The following ABCC12 variants were observed in gnomAD, a reference collection of about 807,000 sequenced individuals.
ABCC12 encodes the protein ATP-binding cassette sub-family C member 12.
ABCC12 carries 142 observed loss-of-function variants against 151.1 expected under a neutral mutation model. The observed-to-expected ratio is 0.94, with a 90% confidence interval of 0.82 to 1.08. The LOEUF is 1.08. Among genes scored for constraint, ABCC12 ranks in the 50% least tolerant of loss-of-function variants. The probability of loss-of-function intolerance (pLI) is 0.00; values close to 1 mark genes in which losing one functional copy is unlikely to be tolerated. For synonymous variants in ABCC12, 645 were observed against 646.4 expected, an observed-to-expected ratio of 1.00 and a Z score of 0.03; for missense variants, 1,638 against 1,691.1, an observed-to-expected ratio of 0.97 and a Z score of 0.55.
chr16:48,126,402 G>A lies in ABCC12; in HGVS notation c.1515+2057C>T, dbSNP rs191864095. Among the ~76,000 whole-genome samples the A allele has an allele frequency of 3.9e-5, 6 of 152,232 alleles. No individual in the cohort carries two copies. In the East Asian group the frequency reaches 5.8e-4, roughly 15 times the overall value. ...GCCAGGAGCTGGGCTTCGGGATAAC[G>A]ACATAACTGTGAACAAAAAACCCTG... On this transcript the variant is annotated intron_variant, in intron 11 of 30. Transcript: ENST00000311303.
At chr16:48,084,960 G>T (rs554654977) in intron 29 of ABCC12, among the ~76,000 whole-genome samples, 1 of 151,970 alleles carries the variant, frequency 6.6e-6, no homozygotes, top group Non-Finnish European at 1.5e-5. Flanking sequence ...AGGTGAAAGG[G>T]GGCTATGCCT....
At chr16:48,132,872 T>G (rs1042835354) in intron 9 of ABCC12, among the ~76,000 whole-genome samples, 4 of 152,202 alleles carry the variant, frequency 2.6e-5, no homozygotes, top group African/African-American at 9.6e-5. Context: ...TCGTCCCATT[T>G]GCAGATTACA....
At chr16:48,093,190 A>G (rs1341127147) in intron 24 of ABCC12, among the ~76,000 whole-genome samples, 1 of 152,166 alleles carries the variant, frequency 6.6e-6, no homozygotes, top group East Asian at 1.9e-4. Flanking sequence ...AGGATTATCC[A>G]GCCCCAAAGC....
intron 6 of ABCC12, among the ~76,000 whole-genome samples, chr16:48,140,284 A>G (rs1964760063): frequency 6.6e-6 from 1 of 152,100 alleles, no homozygotes; most frequent in African/African-American, 2.4e-5. Flanking sequence ...CTGAAGTCCA[A>G]TAGGCATGGT....
intron 3 of ABCC12, among the ~76,000 whole-genome samples, chr16:48,144,651 T>G (rs17815694): frequency 0.032 from 4,898 of 152,176 alleles, 250 homozygotes; most frequent in African/African-American, 0.11. Flanking sequence ...CACACCTCAC[T>G]TTGCCTTTTC....
rs1409406591 is a variant in ABCC12 at position 48,085,607 on chromosome 16, G to A, written c.3814C>T (p.Leu1272Phe). The A allele has an allele frequency of 6.2e-7, 1 of 1,614,098 alleles. No individual in the cohort carries two copies. The highest frequency in any genetic ancestry group is 2.2e-5 in the East Asian group (1 of 44,882). The change falls in exon 29 of 31, where the codon CTC (leucine) becomes TTC (phenylalanine). Residue 1272 changes from leucine (L) to phenylalanine (F), a missense_variant. Coordinates refer to ENST00000311303, the MANE Select transcript of ABCC12 (RefSeq NM_001393797.1). ...TGTTTTCTTACCTTTGAATTACGGAGAAGAGCTCGGGCCACACAAAGCAGC... is the reference window on the plus strand; with the variant it reads ...TGTTTTCTTACCTTTGAATTACGGAAAAGAGCTCGGGCCACACAAAGCAGC... Reference protein sequence around the residue: ...RQLLCVARALLRNSKIILLDE... With the variant: ...RQLLCVARALFRNSKIILLDE...
chr16:48,121,443 C>T, intron 13 of ABCC12: 1 of 350,646 alleles, frequency 2.9e-6, no homozygotes, highest in Non-Finnish European at 5.2e-6. Flanking sequence ...TGCCCTGTTG[C>T]AGAGAACCTC....
chr16:48,106,077 T>C (rs113161765), intron 20 of ABCC12, among the ~76,000 whole-genome samples: 64 of 152,370 alleles, frequency 4.2e-4, no homozygotes, highest in African/African-American at 1.5e-3. Flanking sequence ...GGCTGTGTAC[T>C]AAAAGTCAAG....
At chr16:48,107,817 C>T (rs919887364) in intron 19 of ABCC12, among the ~76,000 whole-genome samples, 1 of 152,144 alleles carries the variant, frequency 6.6e-6, no homozygotes, top group Non-Finnish European at 1.5e-5. Flanking sequence ...GCCTGGCCAA[C>T]ATGGTGAAAC....
intron 11 of ABCC12, among the ~76,000 whole-genome samples, chr16:48,125,048 T>C (rs997458051): frequency 9.2e-5 from 14 of 152,174 alleles, no homozygotes; most frequent in Non-Finnish European, 1.8e-4. Flanking sequence ...AAAGCCTTAC[T>C]GGAAAGGTAG....
chr16:48,141,414 C>T (rs1048886702), intron 4 of ABCC12, 61 bp from the exon 5 acceptor site: 32 of 1,591,674 alleles, frequency 2.0e-5, no homozygotes, highest in African/African-American at 1.2e-4. Context: ...TTTGAAGCTA[C>T]GCTGTTGGGC....
At chr16:48,096,050 T>C (rs1373723972) in intron 24 of ABCC12, among the ~76,000 whole-genome samples, 1 of 152,158 alleles carries the variant, frequency 6.6e-6, no homozygotes, top group Admixed American at 6.5e-5. Flanking sequence ...ACCACAGCAG[T>C]ATTAGAGGGT....
chr16:48,113,816 G>A (rs1252663055), intron 15 of ABCC12, among the ~76,000 whole-genome samples: 2 of 152,174 alleles, frequency 1.3e-5, no homozygotes, highest in East Asian at 1.9e-4. Context: ...TTCAAAGACC[G>A]AACCAGGACC....
chr16:48,138,052 C>A (rs1339326593), intron 8 of ABCC12, among the ~76,000 whole-genome samples, 176 bp downstream of exon 8: 2 of 152,194 alleles, frequency 1.3e-5, no homozygotes, highest in African/African-American at 4.8e-5. Flanking sequence ...AGAACAGATG[C>A]CTGGCTCTAT....
At chr16:48,140,991 A>G in intron 5 of ABCC12, 71 bp from the exon 6 acceptor site, 1 of 1,480,200 alleles carries the variant, frequency 6.8e-7, no homozygotes, top group Non-Finnish European at 9.3e-7. Flanking sequence ...GCCTCAGATC[A>G]TGCCAGCAAG....
At chr16:48,146,000 A>C (rs116480922) in intron 3 of ABCC12, among the ~76,000 whole-genome samples, 21 of 152,338 alleles carry the variant, frequency 1.4e-4, no homozygotes, top group African/African-American at 4.8e-4. Context: ...CTATCAGATA[A>C]AGATAGTAAC....
At chr16:48,115,049 C>T (rs1245026198) in intron 15 of ABCC12, among the ~76,000 whole-genome samples, 1 of 152,188 alleles carries the variant, frequency 6.6e-6, no homozygotes, top group Non-Finnish European at 1.5e-5. Flanking sequence ...CTCAGGCTTG[C>T]CCAGAATTGC....
At chr16:48,138,535 G>A (rs1026850198) in intron 7 of ABCC12, among the ~76,000 whole-genome samples, 160 bp from the exon 8 acceptor site, 1 of 152,210 alleles carries the variant, frequency 6.6e-6, no homozygotes, top group East Asian at 1.9e-4. Flanking sequence ...TGTTGATGCT[G>A]TCTGAGGAAC....
At position 48,081,025 on chromosome 16, in the gene ABCC12, T is replaced by TG. The variant is rs1384824986; in HGVS notation, c.*2689dup. Among the ~76,000 whole-genome samples the TG allele has an allele frequency of 1.3e-5, 2 of 152,044 alleles. No homozygotes were observed. The highest frequency in any genetic ancestry group is 4.8e-5 in the African/African-American group (2 of 41,406). On this transcript the variant is annotated 3_prime_UTR_variant, in exon 31 of 31. Coordinates refer to ENST00000311303, the MANE Select transcript of ABCC12 (RefSeq NM_001393797.1). ...ATGTGTCCTCACATGGAGGAAGGGGTGAACAAGCTTCCCCAAGTCTCTTTT... is the reference window on the plus strand; with the variant it reads ...ATGTGTCCTCACATGGAGGAAGGGGTGGAACAAGCTTCCCCAAGTCTCTTTT...
Sources: allele counts gnomAD v4.1 joint callset (sites outside exome capture counted in the v4.1 genomes callset), GRCh38; gene constraint gnomAD v4.1.1; transcripts MANE v1.5; gene names NCBI Gene and HGNC (gene_info 2026-07-23, HGNC 2026-07-21).